The following PDE1C variants were observed in gnomAD, a reference collection of about 807,000 sequenced individuals.
The protein encoded by PDE1C is dual specificity calcium/calmodulin-dependent 3',5'-cyclic nucleotide phosphodiesterase 1C.
Under a neutral mutation model 93.1 loss-of-function variants are expected in PDE1C, and 62 were observed. The ratio of observed to expected loss-of-function variants is 0.67; its 90% CI spans 0.54 to 0.82. The LOEUF (loss-of-function observed/expected upper bound fraction) is 0.82, where lower values mean the gene tolerates loss of function less well. Ranked by LOEUF, PDE1C falls within the 40% of genes least tolerant of loss-of-function variation. PDE1C has a pLI of 0.00. For synonymous variants in PDE1C, 325 were observed against 310.1 expected (o/e 1.05, Z -0.50); for missense variants, 742 against 884.6 (o/e 0.84, Z 2.04).
intron 16 of PDE1C, chr7:31,786,907 ATC>A (rs1784020383): frequency 3.6e-4 from 2 of 5,548 alleles, no homozygotes; most frequent in Non-Finnish European, 2.6e-3. Flanking sequence ...CTATCTATCT[ATC>A]TATCTATCTA....
the PDE1C span, among the ~76,000 whole-genome samples, chr7:31,691,253 G>A: frequency 6.6e-6 from 1 of 152,306 alleles, no homozygotes; most frequent in African/African-American, 2.4e-5. Context: ...CACCTTTTCA[G>A]AGAAAACCGG....
chr7:31,620,681 G>A, the PDE1C span, among the ~76,000 whole-genome samples: 3 of 151,492 alleles, frequency 2.0e-5, no homozygotes, highest in Non-Finnish European at 1.5e-5. Context: ...AGAAAAACTG[G>A]AAACTCTAAA....
chr7:32,033,502 T>C (rs114555108), intron 2 of PDE1C, among the ~76,000 whole-genome samples: 2 of 152,246 alleles, frequency 1.3e-5, no homozygotes, highest in African/African-American at 4.8e-5. Context: ...AAAACCTGTT[T>C]TCCATTATTG....
chr7:31,767,214 G>A lies in PDE1C; in HGVS notation c.1960+8450C>T, dbSNP rs535609138. On this transcript the variant is annotated intron_variant, in intron 17 of 17. Coordinates refer to ENST00000396191, the MANE Select transcript of PDE1C (RefSeq NM_001191057.4). Reference sequence around the variant, plus strand: ...TCTATTAAGTTGATACATTCTCTTCGTTTATTGTTGTTCATTTGTTGATTT... The same window carrying A: ...TCTATTAAGTTGATACATTCTCTTCATTTATTGTTGTTCATTTGTTGATTT... 6.8e-4 allele frequency among the ~76,000 whole-genome samples: 103 copies of A among 152,012 alleles called. No homozygotes were observed. The South Asian group carries it at 7.9e-3, about 12-fold the overall frequency.
chr7:32,253,812 C>T (rs1369102673), intron 1 of PDE1C, among the ~76,000 whole-genome samples: 1 of 152,132 alleles, frequency 6.6e-6, no homozygotes, highest in Non-Finnish European at 1.5e-5. Context: ...AAGGGAGTGT[C>T]CACTCTAAGG....
At chr7:31,964,126 G>A (rs1463486322) in intron 2 of PDE1C, among the ~76,000 whole-genome samples, 1 of 152,230 alleles carries the variant, frequency 6.6e-6, no homozygotes, top group Non-Finnish European at 1.5e-5. Flanking sequence ...AGTGGGTGCA[G>A]CGCACCGTGC....
the PDE1C span, chr7:31,658,192 G>A: frequency 3.9e-5 from 51 of 1,301,106 alleles, no homozygotes; most frequent in Middle Eastern, 1.9e-4. Context: ...AAGGATATTC[G>A]TTTTTTAGCC....
chr7:32,293,672 T>C (rs980572684), intron 1 of PDE1C, among the ~76,000 whole-genome samples: 3 of 152,150 alleles, frequency 2.0e-5, no homozygotes, highest in African/African-American at 7.2e-5. Flanking sequence ...GAGCAGAGAC[T>C]GCAAGCCTCC....
At chr7:31,971,468 G>A (rs929732352) in intron 2 of PDE1C, among the ~76,000 whole-genome samples, 4 of 152,120 alleles carry the variant, frequency 2.6e-5, no homozygotes, top group Non-Finnish European at 4.4e-5. Flanking sequence ...AGTCTCTGAC[G>A]ATCACGCTAG....
intron 16 of PDE1C, among the ~76,000 whole-genome samples, chr7:31,799,105 T>A (rs1785671684): frequency 6.6e-6 from 1 of 151,608 alleles, no homozygotes; most frequent in Non-Finnish European, 1.5e-5. Flanking sequence ...GTATAACCAG[T>A]GAATGCACAC....
the PDE1C span, among the ~76,000 whole-genome samples, chr7:31,732,086 C>T: frequency 7.9e-5 from 12 of 152,368 alleles, no homozygotes; most frequent in African/African-American, 1.2e-4. Context: ...TGTGCGGCCC[C>T]GCACAGCCCA....
the PDE1C span, among the ~76,000 whole-genome samples, chr7:31,679,943 C>A: frequency 4.7e-4 from 72 of 152,270 alleles, no homozygotes; most frequent in African/African-American, 1.7e-3. Flanking sequence ...TGGAAGAAAG[C>A]AAGCGAGGGA....
intron 2 of PDE1C, among the ~76,000 whole-genome samples, chr7:31,955,227 C>A (rs1807964713): frequency 6.6e-6 from 1 of 152,162 alleles, no homozygotes; most frequent in Non-Finnish European, 1.5e-5. Context: ...GCTTGGATTA[C>A]ATTATGCACA....
rs1789201986 is a variant in PDE1C at position 31,823,200 on chromosome 7, G to T, written c.1455C>A (p.Thr485=). Residue 485 remains threonine, a synonymous_variant, in exon 14 of 18, where the codon ACC becomes ACA. Coordinates refer to ENST00000396191, the MANE Select transcript of PDE1C (RefSeq NM_001191057.4). The part of the protein sequence containing the change: ...SSDAKRSGVK[T]SGSEGSAPIN... ...TCGGGGCACTTCCCTCTGAACCAGA[G>T]GTCTTGACACCTGATCGCTTGGCAT... 1 of 1,613,012 alleles carries T rather than the reference G, an allele frequency of 6.2e-7. No homozygotes were observed. Among genetic ancestry groups the T allele is most frequent in the African/African-American group, 1.3e-5 (1 of 74,922 alleles).
the PDE1C span, among the ~76,000 whole-genome samples, chr7:31,736,633 G>GA: frequency 6.6e-6 from 1 of 152,194 alleles, no homozygotes; most frequent in Non-Finnish European, 1.5e-5. Flanking sequence ...TAACACTTGG[G>GA]AAACACTGAT....
rs146507507 is a variant in PDE1C, at chr7:32,235,994, T to C, written c.86-26455A>G. Among the ~76,000 whole-genome samples, 42 of 152,142 alleles carry C rather than the reference T, an allele frequency of 2.8e-4. No individual in the cohort carries two copies. The East Asian group carries it at 4.2e-3, about 15-fold the overall frequency. ...AAGTCCAGAAAAAGACTTACACAAA[T>C]ATGGCCAATTGATTTTTGACAATTG... On this transcript the variant is annotated intron_variant, in intron 1 of 18. Coordinates refer to the PDE1C transcript ENST00000396193.
rs560074912 is a variant in PDE1C, at chr7:31,975,286, G to A, written c.128+76268C>T. On this transcript the variant is annotated intron_variant, in intron 2 of 17. Transcript: ENST00000396191. ...TTTTCTGACTTTCTGGGTAGAATTG[G>A]CCATTTCTTTTTGTGTTCCTCCAGA... Among the ~76,000 whole-genome samples, 15 of 152,214 alleles carry A rather than the reference G, an allele frequency of 9.9e-5. No individual in the cohort carries two copies. The South Asian group carries it at 3.1e-3, about 32-fold the overall frequency.
chr7:32,420,679 A>AT (rs57339806), intron 1 of PDE1C, among the ~76,000 whole-genome samples: 2 of 151,568 alleles, frequency 1.3e-5, no homozygotes, highest in Admixed American at 6.6e-5. Context: ...AGTTATTTGT[A>AT]TTTTTTTTAA....
intron 17 of PDE1C, among the ~76,000 whole-genome samples, chr7:31,764,785 A>G (rs576312617): frequency 6.6e-6 from 1 of 152,146 alleles, no homozygotes; most frequent in East Asian, 1.9e-4. Flanking sequence ...CATCCCCAGA[A>G]CTTAATCACA....
Sources: allele counts gnomAD v4.1 joint callset (sites outside exome capture counted in the v4.1 genomes callset), GRCh38; gene constraint gnomAD v4.1.1; transcripts MANE v1.5; gene names NCBI Gene and HGNC (gene_info 2026-07-23, HGNC 2026-07-21).